Variants in DMTF1 observed in about 807,000 individuals in gnomAD.
DMTF1 encodes the protein cyclin D binding myb like transcription factor 1, also known as cyclin-D-binding Myb-like transcription factor 1.
A neutral mutation model predicts 91.1 loss-of-function variants in DMTF1; 39 were observed. That is an observed-to-expected ratio of 0.43 (90% CI 0.33 to 0.56). The LOEUF (loss-of-function observed/expected upper bound fraction) is 0.56, where lower values mean the gene tolerates loss of function less well. Among genes scored for constraint, DMTF1 ranks in the 20% least tolerant of loss-of-function variants. The pLI is 0.05. For synonymous variants in DMTF1, 338 were observed against 309.5 expected, an observed-to-expected ratio of 1.09 and a Z score of -0.97; for missense variants, 750 against 914.5, an observed-to-expected ratio of 0.82 and a Z score of 2.32.
intron 14 of DMTF1, 82 bp from the exon 15 acceptor site, chr7:87,193,116 G>A: frequency 6.9e-7 from 1 of 1,448,644 alleles, no homozygotes; most frequent in Non-Finnish European, 9.6e-7. Context: ...GTACATTTGT[G>A]TCTAGTAAAC....
intron 1 of DMTF1, among the ~76,000 whole-genome samples, chr7:87,160,865 G>A (rs946915493): frequency 4.6e-5 from 7 of 152,090 alleles, no homozygotes; most frequent in Admixed American, 2.0e-4. Context: ...CCCAAATTTA[G>A]TGGAGTGCTC....
intron 7 of DMTF1, among the ~76,000 whole-genome samples, chr7:87,176,701 A>G (rs2129126398): frequency 6.6e-6 from 1 of 152,248 alleles, no homozygotes; most frequent in South Asian, 2.1e-4. Flanking sequence ...TGATTGGGAG[A>G]ATGATGATCA....
intron 1 of DMTF1, among the ~76,000 whole-genome samples, chr7:87,158,839 T>G (rs1184769591): frequency 6.6e-6 from 1 of 152,076 alleles, no homozygotes; most frequent in Non-Finnish European, 1.5e-5. Flanking sequence ...AGTTAAATGA[T>G]TCAAACAACA....
chr7:87,182,841 G>A (rs983152499), intron 10 of DMTF1, among the ~76,000 whole-genome samples: 2 of 152,166 alleles, frequency 1.3e-5, no homozygotes, highest in African/African-American at 4.8e-5. Context: ...AAAAATTTAT[G>A]ATTGGTGTTT....
At chr7:87,166,699 C>G in intron 4 of DMTF1, 94 bp downstream of exon 4, 2 of 1,245,504 alleles carry the variant, frequency 1.6e-6, no homozygotes, top group South Asian at 2.6e-5. Flanking sequence ...TAGACTTGGA[C>G]TTACTGCTTT....
chr7:87,172,158 TTACTG>T (rs1376058789), intron 5 of DMTF1, among the ~76,000 whole-genome samples: 1 of 152,196 alleles, frequency 6.6e-6, no homozygotes, highest in East Asian at 1.9e-4. Context: ...GTTACACTCT[TTACTG>T]ATGTATAACT....
chr7:87,166,455 T>A (rs1390972585), intron 3 of DMTF1, 28 bp from the exon 4 acceptor site: 4 of 1,588,292 alleles, frequency 2.5e-6, no homozygotes, highest in Middle Eastern at 1.7e-4. Flanking sequence ...TGGTTTGAAA[T>A]TTTTGTTTGT....
rs143366604 is a variant in DMTF1, at chr7:87,194,085, A to C, written c.2011A>C (p.Ser671Arg). 9.3e-5 allele frequency: 148 copies of C among 1,593,522 alleles called. No homozygotes were observed. The African/African-American group carries it at 1.7e-3, about 19-fold the overall frequency. The part of the protein sequence containing the change: ...KQEESPSDLA[S>R]AYVTEGLESP... ...AGAGGAATCACCCTCTGATTTAGCC[A>C]GTGCTTATGTTACTGAGGTAAGTTG... Residue 671 changes from serine to arginine, a missense_variant, in exon 16 of 18, where the codon AGT (serine) becomes CGT (arginine). Ser to Arg is a moderately radical substitution (Grantham distance 110). Coordinates refer to ENST00000331242, the MANE Select transcript of DMTF1 (RefSeq NM_001142327.2).
rs1222590676 is a variant in DMTF1, at chr7:87,193,200, T to C, written c.1497T>C (p.Ser499=). The C allele has an allele frequency of 6.2e-7, 1 of 1,613,050 alleles. No homozygotes were observed. The highest frequency in any genetic ancestry group is 8.5e-7 in the Non-Finnish European group (1 of 1,179,384). ...ACTATCTTTCCTTTTTCCTTTAGTCTTTCCATCTACAGCCCACTGGCACTC... is the reference window on the plus strand; with the variant it reads ...ACTATCTTTCCTTTTTCCTTTAGTCCTTCCATCTACAGCCCACTGGCACTC... The part of the protein sequence containing the change: ...GTLQTFEILP[S]FHLQPTGTPG... Residue 499 remains serine, a splice_region_variant and synonymous_variant, in exon 15 of 18, where the codon TCT becomes TCC. Transcript: ENST00000331242.
At chr7:87,163,208 T>C (rs1792949288) in intron 1 of DMTF1, 2 of 151,138 alleles carry the variant, frequency 1.3e-5, no homozygotes, top group Admixed American at 6.6e-5. Context: ...ATCACTAGCA[T>C]AGCTGAGCCT....
At chr7:87,166,346 G>A in intron 3 of DMTF1, 137 bp from the exon 4 acceptor site, 2 of 783,434 alleles carry the variant, frequency 2.6e-6, no homozygotes, top group South Asian at 1.9e-5. Flanking sequence ...AATCCTGTTT[G>A]CACAACTAGG....
rs148171116 is a variant in DMTF1, at chr7:87,155,403, A to G, written c.-132+2848A>G. The G allele has an allele frequency of 1.5e-3, 222 of 152,222 alleles. 5 individuals carry two copies. In the East Asian group the frequency reaches 0.032, roughly 22 times the overall value. 9.4% of individuals were successfully genotyped at this position (152,222 alleles called of 1,614,324 possible). A position where few individuals can be genotyped will look rare whatever the true frequency, so the allele number is the denominator to read the frequency against. Reference sequence around the variant, plus strand: ...CTTACCACCATCATATTTTTCCTATATGAAAGGATTTCCTAGGAATTGATA... The same window carrying G: ...CTTACCACCATCATATTTTTCCTATGTGAAAGGATTTCCTAGGAATTGATA... On this transcript the variant is annotated intron_variant, in intron 1 of 17. Coordinates refer to ENST00000331242, the MANE Select transcript of DMTF1 (RefSeq NM_001142327.2).
intron 1 of DMTF1, among the ~76,000 whole-genome samples, chr7:87,158,327 T>C (rs1267800720): frequency 6.6e-6 from 1 of 152,046 alleles, no homozygotes; most frequent in African/African-American, 2.4e-5. Flanking sequence ...CTCAGTCTTA[T>C]TAAAACCACT....
At chr7:87,160,311 G>A (rs988584679) in intron 1 of DMTF1, among the ~76,000 whole-genome samples, 13 of 143,898 alleles carry the variant, frequency 9.0e-5, no homozygotes, top group African/African-American at 3.4e-4. Context: ...TCTCACTCTC[G>A]TCCTCCAGGC....
rs374723859 is a variant in DMTF1 at position 87,186,027 on chromosome 7, T to C, written c.1201+47T>C. 6 of 1,605,686 alleles carry C rather than the reference T, an allele frequency of 3.7e-6. No homozygotes were observed. In the African/African-American group the frequency reaches 6.7e-5, roughly 18 times the overall value. ...AAGCTCCTCCCCTTTTCTTACCATATTTACTCCTTAGGAGTGAGAGGTTAG... is the reference window on the plus strand; with the variant it reads ...AAGCTCCTCCCCTTTTCTTACCATACTTACTCCTTAGGAGTGAGAGGTTAG... On this transcript the variant is annotated intron_variant, in intron 12 of 17. Transcript: ENST00000331242.
At chr7:87,188,016 C>T in intron 12 of DMTF1, 76 bp from the exon 13 acceptor site, 1 of 1,168,380 alleles carries the variant, frequency 8.6e-7, no homozygotes, top group Non-Finnish European at 1.3e-6. Flanking sequence ...TCCTTACCTC[C>T]CCCCACCTCC....
intron 3 of DMTF1, 134 bp from the exon 4 acceptor site, chr7:87,166,349 C>A: frequency 1.2e-6 from 1 of 814,216 alleles, no homozygotes; most frequent in Non-Finnish European, 1.9e-6. Flanking sequence ...CCTGTTTGCA[C>A]AACTAGGTTT....
chr7:87,158,416 T>C (rs1791358120), intron 1 of DMTF1, among the ~76,000 whole-genome samples: 2 of 152,060 alleles, frequency 1.3e-5, no homozygotes, highest in Admixed American at 6.5e-5. Flanking sequence ...ATCTAAAATT[T>C]AAGGAATAAA....
chr7:87,156,700 C>T (rs770608719), intron 1 of DMTF1, among the ~76,000 whole-genome samples: 5 of 152,082 alleles, frequency 3.3e-5, no homozygotes, highest in African/African-American at 7.2e-5. Flanking sequence ...GAATTTGTTA[C>T]CTATTATCTT....
Sources: allele counts gnomAD v4.1 joint callset (sites outside exome capture counted in the v4.1 genomes callset), GRCh38; gene constraint gnomAD v4.1.1; transcripts MANE v1.5; gene names NCBI Gene and HGNC (gene_info 2026-07-23, HGNC 2026-07-21).